FSTL4: variants seen among roughly 807,000 people sequenced by gnomAD.
FSTL4 encodes follistatin like 4, also known as follistatin-related protein 4.
A neutral mutation model predicts 78.2 loss-of-function variants in FSTL4; 28 were observed. The ratio of observed to expected loss-of-function variants is 0.36; its 90% CI spans 0.27 to 0.49. FSTL4 has a LOEUF of 0.49. Among genes scored for constraint, FSTL4 ranks in the 20% least tolerant of loss-of-function variants. FSTL4 has a pLI of 0.98. For synonymous variants in FSTL4, 422 were observed against 440.5 expected (o/e 0.96, Z 0.53); for missense variants, 922 against 1,084.9 (o/e 0.85, Z 2.11).
In FSTL4 at chr5:133,456,774, T is replaced by C. The variant is rs771931432; in HGVS notation, c.161-55788A>G. Reference sequence around the variant, plus strand: ...CATAAGCATGCAATTTTCTTCACTATGGTTTTGCCCCAGCATAGGAACGAG... The same window carrying C: ...CATAAGCATGCAATTTTCTTCACTACGGTTTTGCCCCAGCATAGGAACGAG... On this transcript the variant is annotated intron_variant, in intron 3 of 15. Transcript: ENST00000265342. Among the ~76,000 whole-genome samples the C allele has an allele frequency of 1.2e-4, 18 of 152,182 alleles. 1 individual carries two copies. Among genetic ancestry groups the C allele is most frequent in the Non-Finnish European group, 1.3e-4 (9 of 68,044 alleles).
chr5:133,689,169 A>G, the FSTL4 span, among the ~76,000 whole-genome samples: 1 of 152,116 alleles, frequency 6.6e-6, no homozygotes, highest in East Asian at 1.9e-4. Context: ...CCGGTTGGCC[A>G]GCCAGTTTCT....
chr5:133,324,935 G>A (rs1378450285), intron 4 of FSTL4, among the ~76,000 whole-genome samples: 1 of 152,234 alleles, frequency 6.6e-6, no homozygotes, highest in Non-Finnish European at 1.5e-5. Flanking sequence ...TCACCCAGTG[G>A]GGACAACCCA....
chr5:133,456,384 T>A (rs1757489916), intron 3 of FSTL4, among the ~76,000 whole-genome samples: 1 of 152,226 alleles, frequency 6.6e-6, no homozygotes, highest in Non-Finnish European at 1.5e-5. Flanking sequence ...TTGCTTTAGC[T>A]TTGATGTGCT....
the FSTL4 span, among the ~76,000 whole-genome samples, chr5:133,727,009 C>G: frequency 1.7e-4 from 26 of 152,108 alleles, no homozygotes; most frequent in Non-Finnish European, 3.1e-4. Context: ...GGTGTATTAA[C>G]TATGCATTGG....
chr5:133,255,041 G>A (rs1421138748), intron 6 of FSTL4, among the ~76,000 whole-genome samples: 1 of 152,214 alleles, frequency 6.6e-6, no homozygotes, highest in Non-Finnish European at 1.5e-5. Context: ...TCCTGGCTGT[G>A]GCTCCAATGC....
chr5:133,754,506 C>T, the FSTL4 span, among the ~76,000 whole-genome samples: 135,235 of 152,266 alleles, frequency 0.89, 60,280 homozygotes, highest in African/African-American at 0.97. Flanking sequence ...TGTATTCAAT[C>T]CTCCCTGTAT....
chr5:133,774,057 G>A, the FSTL4 span, among the ~76,000 whole-genome samples: 1,704 of 152,240 alleles, frequency 0.011, 40 homozygotes, highest in African/African-American at 0.039. Context: ...CCTGGGATAC[G>A]CTAACCGCTT....
At chr5:133,594,334 G>A (rs1257227339) in intron 2 of FSTL4, among the ~76,000 whole-genome samples, 1 of 152,208 alleles carries the variant, frequency 6.6e-6, no homozygotes, top group Non-Finnish European at 1.5e-5. Flanking sequence ...GGGATTACAG[G>A]TGTGTGCCAC....
At chr5:133,518,878 C>T (rs1031909206) in intron 3 of FSTL4, among the ~76,000 whole-genome samples, 1 of 152,122 alleles carries the variant, frequency 6.6e-6, no homozygotes, top group African/African-American at 2.4e-5. Context: ...TAAAATCGTT[C>T]TTAAAACCAA....
intron 6 of FSTL4, among the ~76,000 whole-genome samples, chr5:133,255,839 G>C (rs6874556): frequency 0.61 from 93,231 of 152,060 alleles, 28,982 homozygotes; most frequent in East Asian, 0.85. Flanking sequence ...TGGAGAACTG[G>C]GTTTTAGTTC....
the FSTL4 span, among the ~76,000 whole-genome samples, chr5:133,824,293 G>GC: frequency 6.6e-6 from 1 of 152,192 alleles, no homozygotes; most frequent in African/African-American, 2.4e-5. Flanking sequence ...GGTTCCCACA[G>GC]CCCCCTCCTT....
intron 2 of FSTL4, among the ~76,000 whole-genome samples, chr5:133,598,297 C>G (rs1047988583): frequency 2.6e-5 from 4 of 152,032 alleles, no homozygotes; most frequent in Non-Finnish European, 5.9e-5. Context: ...GTATCAGCAT[C>G]ACCTGGAGCT....
At chr5:133,389,244 G>A (rs1304046631) in intron 4 of FSTL4, among the ~76,000 whole-genome samples, 2 of 151,978 alleles carry the variant, frequency 1.3e-5, no homozygotes, top group East Asian at 3.9e-4. Flanking sequence ...CCTTTCATTC[G>A]TGTTCAGACA....
intron 6 of FSTL4, among the ~76,000 whole-genome samples, chr5:133,276,903 G>C (rs1752895199): frequency 6.6e-6 from 1 of 152,130 alleles, no homozygotes; most frequent in Non-Finnish European, 1.5e-5. Context: ...AGTGACAATA[G>C]GCAAATCTCA....
chr5:133,397,591 C>A (rs1056128216), intron 4 of FSTL4, among the ~76,000 whole-genome samples: 1 of 152,238 alleles, frequency 6.6e-6, no homozygotes, highest in Admixed American at 6.5e-5. Flanking sequence ...TTCTCCCTTG[C>A]AGGGTGGTGA....
chr5:133,772,156 C>T, the FSTL4 span, among the ~76,000 whole-genome samples: 13 of 152,104 alleles, frequency 8.5e-5, no homozygotes, highest in Admixed American at 8.5e-4. Context: ...GTCTTTAGTA[C>T]TGCAAAATTA....
At chr5:133,573,382 C>T (rs1373643932) in intron 2 of FSTL4, among the ~76,000 whole-genome samples, 2 of 151,986 alleles carry the variant, frequency 1.3e-5, no homozygotes, top group African/African-American at 2.4e-5. Context: ...TACAAAAAGG[C>T]TGAATGTAAA....
chr5:133,666,549 G>A, the FSTL4 span, among the ~76,000 whole-genome samples: 13,598 of 150,578 alleles, frequency 0.09, 804 homozygotes, highest in South Asian at 0.17. Context: ...TATTTAAAAC[G>A]TTAAAGCTTT....
At chr5:133,798,157 C>T in the FSTL4 span, among the ~76,000 whole-genome samples, 1 of 152,250 alleles carries the variant, frequency 6.6e-6, no homozygotes, top group Non-Finnish European at 1.5e-5. Context: ...TACTGCTCAG[C>T]ATATTTGCTT....
Sources: gnomAD v4.1 joint callset for allele counts (sites outside exome capture counted in the v4.1 genomes callset) on GRCh38, gnomAD v4.1.1 for gene constraint, MANE v1.5 for transcripts, NCBI Gene and HGNC (gene_info 2026-07-23, HGNC 2026-07-21) for gene names.